Variants in DSCAM observed in about 807,000 individuals in gnomAD.
The protein encoded by DSCAM is cell adhesion molecule DSCAM.
Under a neutral mutation model 217.7 loss-of-function variants are expected in DSCAM, and 47 were observed. The ratio of observed to expected loss-of-function variants is 0.22; its 90% confidence interval spans 0.17 to 0.28. The LOEUF (loss-of-function observed/expected upper bound fraction) is 0.28, where lower values mean the gene tolerates loss of function less well. DSCAM is among the 10% of genes least tolerant of loss of function. The pLI is 1.00. For synonymous variants in DSCAM, 1,056 were observed against 1,015.3 expected, an observed-to-expected ratio of 1.04 and a Z score of -0.76; for missense variants, 2,080 against 2,618.3, an observed-to-expected ratio of 0.79 and a Z score of 4.49.
At chr21:40,535,961 G>T (rs1426780461) in intron 3 of DSCAM, among the ~76,000 whole-genome samples, 1 of 152,222 alleles carries the variant, frequency 6.6e-6, no homozygotes, top group Non-Finnish European at 1.5e-5. Context: ...CAAGAAGCTG[G>T]AGGTAAGTGC....
chr21:40,600,435 A>C (rs999469721), intron 3 of DSCAM, among the ~76,000 whole-genome samples: 3 of 152,194 alleles, frequency 2.0e-5, no homozygotes, highest in Admixed American at 6.5e-5. Context: ...TCACGAGGGC[A>C]GAGACCTCAT....
At chr21:40,101,785 G>GT (rs2089754795) in intron 20 of DSCAM, among the ~76,000 whole-genome samples, 2 of 151,852 alleles carry the variant, frequency 1.3e-5, no homozygotes, top group Admixed American at 1.3e-4. Flanking sequence ...GTGGGAGGTG[G>GT]TGGGGGGGGG....
chr21:40,605,910 T>A, intron 3 of DSCAM, among the ~76,000 whole-genome samples: 1 of 150,440 alleles, frequency 6.6e-6, no homozygotes, highest in Non-Finnish European at 1.5e-5. Flanking sequence ...AAGCTATTCT[T>A]CTGCCTCAGC....
intron 3 of DSCAM, among the ~76,000 whole-genome samples, chr21:40,597,500 C>CT (rs10530311): frequency 0.02 from 1,552 of 75,834 alleles, 16 homozygotes; most frequent in African/African-American, 0.031. Flanking sequence ...CAGTAATAGG[C>CT]TTTTTTTTTT....
chr21:40,452,486 A>C (rs1233884429), intron 3 of DSCAM, among the ~76,000 whole-genome samples: 1 of 152,044 alleles, frequency 6.6e-6, no homozygotes, highest in Non-Finnish European at 1.5e-5. Context: ...GCTCGTAAAC[A>C]TTTTTCAATT....
At chr21:40,164,780 C>A (rs143810401) in intron 16 of DSCAM, among the ~76,000 whole-genome samples, 1 of 151,648 alleles carries the variant, frequency 6.6e-6, no homozygotes, top group African/African-American at 2.4e-5. Flanking sequence ...CCAGCCTGGG[C>A]GACAGAGTGA....
At chr21:40,084,545 C>T (rs1028451443) in intron 23 of DSCAM, among the ~76,000 whole-genome samples, 1 of 123,474 alleles carries the variant, frequency 8.1e-6, no homozygotes, top group Non-Finnish European at 1.9e-5. Context: ...CACACACACA[C>T]ACACACACAC....
At chr21:40,150,359 T>C (rs1302239796) in intron 16 of DSCAM, among the ~76,000 whole-genome samples, 1 of 152,238 alleles carries the variant, frequency 6.6e-6, no homozygotes, top group African/African-American at 2.4e-5. Flanking sequence ...TATATTTTTA[T>C]GCATAAAAGC....
intron 3 of DSCAM, among the ~76,000 whole-genome samples, chr21:40,515,261 A>G (rs533165113): frequency 1.2e-4 from 18 of 152,288 alleles, no homozygotes; most frequent in African/African-American, 4.3e-4. Context: ...GACTACATTA[A>G]CTTATTGTTT....
chr21:40,033,532 T>A (rs531113625), intron 32 of DSCAM, among the ~76,000 whole-genome samples: 8 of 148,268 alleles, frequency 5.4e-5, no homozygotes, highest in Non-Finnish European at 1.0e-4. Context: ...CCACACCCAC[T>A]GAGTCTTGCT....
chr21:40,490,904 C>G (rs1380610205), intron 3 of DSCAM, among the ~76,000 whole-genome samples: 1 of 152,146 alleles, frequency 6.6e-6, no homozygotes, highest in African/African-American at 2.4e-5. Flanking sequence ...CAAACTTTGG[C>G]AAAATAATTA....
chr21:40,524,948 T>C lies in DSCAM; in HGVS notation c.509-155703A>G, dbSNP rs143419079. On this transcript the variant is annotated intron_variant, in intron 3 of 32. Transcript: ENST00000400454. ...TTGCTTGAACCCGGGAGGTGGAGGT[T>C]GCAGTGAGCCAAGGTCATGCCACTG... Among the ~76,000 whole-genome samples, 170 of 143,378 alleles carry C rather than the reference T, an allele frequency of 1.2e-3. 1 individual carries two copies. The East Asian group carries it at 0.034, about 28-fold the overall frequency. The allele number at this position is 143,378 out of a possible 152,430, so 94.1% of individuals were successfully genotyped here. A position where few individuals can be genotyped will look rare whatever the true frequency, so the allele number is the denominator to read the frequency against.
rs1029693422 is a variant in DSCAM at position 40,595,570 on chromosome 21, G to T, written c.508+97240C>A. Among the ~76,000 whole-genome samples the T allele has an allele frequency of 4.2e-4, 64 of 152,168 alleles. 1 individual carries two copies. Among genetic ancestry groups the T allele is most frequent in the Non-Finnish European group, 1.0e-4 (7 of 68,028 alleles). Reference sequence around the variant, plus strand: ...GCCAAGCTCTGCCCTGAAGGCCAGGGTGCTGTTTGCCTCAGGAACGGGAAC... The same window carrying T: ...GCCAAGCTCTGCCCTGAAGGCCAGGTTGCTGTTTGCCTCAGGAACGGGAAC... On this transcript the variant is annotated intron_variant, in intron 3 of 32. Coordinates refer to ENST00000400454, the MANE Select transcript of DSCAM (RefSeq NM_001389.5).
intron 15 of DSCAM, among the ~76,000 whole-genome samples, chr21:40,171,156 C>A (rs2090652999): frequency 6.6e-6 from 1 of 152,202 alleles, no homozygotes; most frequent in African/African-American, 2.4e-5. Flanking sequence ...CGACTCACTG[C>A]AACCTCTACC....
chr21:40,110,162 C>T (rs911372249), intron 20 of DSCAM, among the ~76,000 whole-genome samples: 1 of 152,162 alleles, frequency 6.6e-6, no homozygotes, highest in South Asian at 2.1e-4. Flanking sequence ...CTGGGAGGCA[C>T]CCACCAGTGG....
chr21:40,509,823 TC>T (rs536545831), intron 3 of DSCAM, among the ~76,000 whole-genome samples: 75 of 152,344 alleles, frequency 4.9e-4, no homozygotes, highest in Admixed American at 5.9e-4. Flanking sequence ...CATGCTTTGA[TC>T]TTTCTCTAAA....
intron 11 of DSCAM, among the ~76,000 whole-genome samples, chr21:40,266,669 A>ATATATG (rs1474804993): frequency 1.5e-5 from 2 of 132,234 alleles, no homozygotes; most frequent in East Asian, 2.1e-4. Flanking sequence ...ATATATATAT[A>ATATATG]TAATCTTGAA....
chr21:40,821,780 G>A (rs766237198), intron 1 of DSCAM, among the ~76,000 whole-genome samples: 55 of 152,062 alleles, frequency 3.6e-4, no homozygotes, highest in Non-Finnish European at 3.4e-4. Context: ...TACCTACTAC[G>A]TGTCATCACT....
intron 11 of DSCAM, among the ~76,000 whole-genome samples, chr21:40,260,190 C>T (rs544194252): frequency 6.6e-6 from 1 of 152,256 alleles, no homozygotes; most frequent in East Asian, 1.9e-4. Context: ...TCCTTACTTG[C>T]CTGTGTATAC....
Sources: allele counts gnomAD v4.1 joint callset (sites outside exome capture counted in the v4.1 genomes callset), GRCh38; gene constraint gnomAD v4.1.1; transcripts MANE v1.5; gene names NCBI Gene and HGNC (gene_info 2026-07-23, HGNC 2026-07-21).